FMN2: variants seen among roughly 807,000 people sequenced by gnomAD.
FMN2 encodes the protein formin-2.
A neutral mutation model predicts 142.3 loss-of-function variants in FMN2; 51 were observed. The observed-to-expected ratio is 0.36, with a 90% confidence interval of 0.29 to 0.45. FMN2 has a LOEUF of 0.45. FMN2 is among the 20% of genes least tolerant of loss of function. The pLI, the probability that FMN2 is intolerant of heterozygous loss-of-function variation, is 1.00. For synonymous variants in FMN2, 882 were observed against 869.8 expected (o/e 1.01, Z -0.25); for missense variants, 1,936 against 2,122.8 (o/e 0.91, Z 1.73).
intron 8 of FMN2, among the ~76,000 whole-genome samples, chr1:240,326,350 A>T (rs750538594): frequency 6.6e-6 from 1 of 152,210 alleles, no homozygotes; most frequent in Non-Finnish European, 1.5e-5. Context: ...GGTCTAATAG[A>T]GTACAAGGTA....
intron 14 of FMN2, among the ~76,000 whole-genome samples, chr1:240,371,573 C>G (rs1672868091): frequency 6.6e-6 from 1 of 152,114 alleles, no homozygotes; most frequent in South Asian, 2.1e-4. Flanking sequence ...TATAATAAAA[C>G]CCAAGGGTCC....
chr1:240,208,693 A>T lies in FMN2; in HGVS notation c.3881A>T (p.Lys1294Met). The stretch of plus-strand genomic sequence containing the variant: ...CCCATAGAGCCTTGTCGACCAATGA[A>T]GCCTCTTTACTGGACCAGGATTCAA... ...KQPIEPCRPM[K>M]PLYWTRIQLH... is the part of the protein sequence containing the mutation. The change falls in exon 5 of 18, where the codon AAG becomes ATG. Residue 1294 changes from lysine (K) to methionine (M), a missense_variant. Lys to Met is a moderately conservative substitution (Grantham distance 95). Around this residue, in one of 8 missense-constraint regions of FMN2, gnomAD observed 259 missense variants for 230.9 expected, o/e 1.12. Coordinates refer to ENST00000319653, the MANE Select transcript of FMN2 (RefSeq NM_020066.5). The T allele has an allele frequency of 6.2e-7, 1 of 1,613,680 alleles. No individual in the cohort carries two copies. Among genetic ancestry groups the T allele is most frequent in the East Asian group, 2.2e-5 (1 of 44,838 alleles).
At chr1:240,277,528 T>C (rs1455582059) in intron 7 of FMN2, among the ~76,000 whole-genome samples, 10 of 37,086 alleles carry the variant, frequency 2.7e-4, no homozygotes, top group Admixed American at 5.9e-4. Flanking sequence ...TCTTCTTCTT[T>C]TTTTTTTTTT....
chr1:240,297,071 G>A (rs1670011993), intron 8 of FMN2, among the ~76,000 whole-genome samples: 1 of 152,156 alleles, frequency 6.6e-6, no homozygotes, highest in Admixed American at 6.5e-5. Flanking sequence ...CTAGAGGAAA[G>A]TAATTTCTTC....
chr1:240,427,005 CT>C (rs71751157), intron 15 of FMN2, among the ~76,000 whole-genome samples: 15,254 of 151,928 alleles, frequency 0.1, 2,599 homozygotes, highest in African/African-American at 0.35. Flanking sequence ...TCCCGAAGTG[CT>C]TGGGATCGCA....
intron 6 of FMN2, among the ~76,000 whole-genome samples, chr1:240,221,845 G>C (rs1204461295): frequency 7.9e-6 from 1 of 126,346 alleles, no homozygotes; most frequent in Non-Finnish European, 1.6e-5. Context: ...TTTTCTTCTA[G>C]GGACTTTTTT....
chr1:240,208,818 A>C, intron 5 of FMN2, 86 bp downstream of exon 5: 1 of 1,481,840 alleles, frequency 6.7e-7, no homozygotes, highest in Non-Finnish European at 9.0e-7. Flanking sequence ...ATTACTGTTG[A>C]ATGTATTTTT....
intron 8 of FMN2, among the ~76,000 whole-genome samples, chr1:240,306,159 A>C (rs1256708454): frequency 2.0e-5 from 3 of 152,158 alleles, no homozygotes; most frequent in Non-Finnish European, 4.4e-5. Flanking sequence ...TATGTTGGCC[A>C]GGCTGGTCTC....
At chr1:240,371,517 C>T (rs1672866274) in intron 14 of FMN2, among the ~76,000 whole-genome samples, 1 of 152,144 alleles carries the variant, frequency 6.6e-6, no homozygotes, top group African/African-American at 2.4e-5. Flanking sequence ...GAGTTCAAGA[C>T]TAGCACTTTT....
intron 6 of FMN2, among the ~76,000 whole-genome samples, chr1:240,225,777 T>C (rs902460384): frequency 2.6e-5 from 4 of 152,120 alleles, no homozygotes; most frequent in African/African-American, 9.7e-5. Flanking sequence ...TAAAAATATC[T>C]TCAAAGAACT....
intron 14 of FMN2, among the ~76,000 whole-genome samples, chr1:240,370,349 A>G (rs1033886943): frequency 3.9e-5 from 6 of 152,084 alleles, no homozygotes; most frequent in Non-Finnish European, 8.8e-5. Context: ...TATTTAAATA[A>G]TTTTACATTA....
At chr1:240,336,415 C>A (rs774581542) in intron 13 of FMN2, among the ~76,000 whole-genome samples, 1 of 151,924 alleles carries the variant, frequency 6.6e-6, no homozygotes, top group Non-Finnish European at 1.5e-5. Context: ...CCTTGGCCAA[C>A]AATGATCACA....
intron 14 of FMN2, among the ~76,000 whole-genome samples, chr1:240,366,542 T>TC (rs1672674554): frequency 6.6e-6 from 1 of 151,782 alleles, no homozygotes; most frequent in Non-Finnish European, 1.5e-5. Context: ...TATCCTTTTT[T>TC]TTTTTTTTAA....
chr1:240,390,951 T>C (rs551793178), intron 14 of FMN2, among the ~76,000 whole-genome samples: 1 of 152,240 alleles, frequency 6.6e-6, no homozygotes, highest in East Asian at 1.9e-4. Flanking sequence ...TTCCTGAAAA[T>C]AGTATGCATT....
At chr1:240,321,049 G>A (rs911410448) in intron 8 of FMN2, among the ~76,000 whole-genome samples, 1 of 152,094 alleles carries the variant, frequency 6.6e-6, no homozygotes, top group African/African-American at 2.4e-5. Flanking sequence ...TGAATCTTCT[G>A]TGTGATGAGG....
intron 8 of FMN2, among the ~76,000 whole-genome samples, chr1:240,303,123 T>C (rs1670261196): frequency 6.6e-6 from 1 of 152,178 alleles, no homozygotes. Context: ...TTTTGTACCC[T>C]GAGGCTGCGC....
At chr1:240,127,121 C>G in intron 2 of FMN2, among the ~76,000 whole-genome samples, 1 of 138,182 alleles carries the variant, frequency 7.2e-6, no homozygotes, top group African/African-American at 2.6e-5. Flanking sequence ...AGGAATATGG[C>G]TTTTTTTTTT....
At chr1:240,132,238 T>C (rs1558311413) in intron 2 of FMN2, among the ~76,000 whole-genome samples, 2 of 152,334 alleles carry the variant, frequency 1.3e-5, no homozygotes, top group East Asian at 3.9e-4. Context: ...TTATGGAGGC[T>C]ATACCTCAAG....
intron 16 of FMN2, among the ~76,000 whole-genome samples, chr1:240,468,536 A>C (rs1388457148): frequency 6.6e-6 from 1 of 152,144 alleles, no homozygotes; most frequent in African/African-American, 2.4e-5. Flanking sequence ...TCTATCAATG[A>C]GGTATTGTCC....
Sources: allele counts gnomAD v4.1 joint callset (sites outside exome capture counted in the v4.1 genomes callset), GRCh38; gene constraint gnomAD v4.1.1; regional missense constraint gnomAD v4.1.1; transcripts MANE v1.5; gene names NCBI Gene and HGNC (gene_info 2026-07-23, HGNC 2026-07-21).